KIF1A: variants seen among roughly 807,000 people sequenced by gnomAD.
The protein encoded by KIF1A is kinesin-like protein KIF1A.
KIF1A carries 46 observed loss-of-function variants against 227.3 expected under a neutral mutation model. The observed-to-expected ratio is 0.20, with a 90% CI of 0.16 to 0.26. The LOEUF (loss-of-function observed/expected upper bound fraction) is 0.26. KIF1A is among the 10% of genes least tolerant of loss of function. The pLI is 1.00. For synonymous variants in KIF1A, 1,022 were observed against 1,012.8 expected (o/e 1.01, Z -0.17); for missense variants, 1,683 against 2,485.9 (o/e 0.68, Z 6.87).
At position 240,743,017 on chromosome 2, in the gene KIF1A, G is replaced by A. The variant is rs199812789; in HGVS notation, c.3585-33C>T. 114 of 1,568,018 alleles carry A rather than the reference G, an allele frequency of 7.3e-5. 1 individual carries two copies. The highest frequency in any genetic ancestry group is 1.4e-4 in the Admixed American group (8 of 57,308). The stretch of plus-strand genomic sequence containing the variant: ...GAAAGGACCAGTGTGAGGTGTTTGC[G>A]GGACCCTGGGCGGGAGGGGTCAGAA... On this transcript the variant is annotated intron_variant, in intron 33 of 48. Coordinates refer to ENST00000498729, the MANE Select transcript of KIF1A (RefSeq NM_001244008.2).
intron 42 of KIF1A, 129 bp downstream of exon 42, chr2:240,723,284 G>T: frequency 1.2e-6 from 1 of 832,830 alleles, no homozygotes; most frequent in Non-Finnish European, 1.8e-6. Context: ...CCTGCAGGTG[G>T]CTGTGACTCC....
chr2:240,815,785 T>C (rs1450946235), intron 1 of KIF1A, among the ~76,000 whole-genome samples: 1 of 152,126 alleles, frequency 6.6e-6, no homozygotes, highest in Non-Finnish European at 1.5e-5. Context: ...GGTCCTCACT[T>C]TACAAGCCAC....
intron 10 of KIF1A, among the ~76,000 whole-genome samples, chr2:240,781,455 ACACAGC>A (rs2053974272): frequency 1.8e-5 from 1 of 55,170 alleles, no homozygotes; most frequent in Non-Finnish European, 3.6e-5. Context: ...ACACACACAC[ACACAGC>A]TCCACACACA....
intron 27 of KIF1A, among the ~76,000 whole-genome samples, chr2:240,756,516 C>G (rs1436932450): frequency 6.6e-6 from 1 of 152,212 alleles, no homozygotes; most frequent in East Asian, 1.9e-4. Flanking sequence ...GCTTCTCATC[C>G]ATTTGGGCAA....
intron 44 of KIF1A, 78 bp downstream of exon 44, chr2:240,721,729 G>T: frequency 8.7e-7 from 1 of 1,155,382 alleles, no homozygotes; most frequent in Non-Finnish European, 1.3e-6. Flanking sequence ...CACTTGGAAT[G>T]GGAGTTTTCC....
intron 37 of KIF1A, among the ~76,000 whole-genome samples, chr2:240,738,313 T>G (rs757060810): frequency 8.5e-5 from 13 of 152,180 alleles, no homozygotes; most frequent in Non-Finnish European, 1.9e-4. Context: ...TGTCTGCACT[T>G]TGACTCCCTC....
At chr2:240,734,361 C>G (rs2047084198) in intron 38 of KIF1A, among the ~76,000 whole-genome samples, 1 of 152,108 alleles carries the variant, frequency 6.6e-6, no homozygotes, top group Non-Finnish European at 1.5e-5. Context: ...GACACCGAGC[C>G]CATCCACAGG....
chr2:240,721,001 G>A lies in KIF1A; in HGVS notation c.4781C>T (p.Ser1594Leu), dbSNP rs201825284. The change falls in exon 45 of 49, where the codon TCG becomes TTG. Residue 1594 changes from serine (S) to leucine (L), a missense_variant. Ser to Leu is a moderately radical substitution (Grantham distance 145, BLOSUM62 -2). Around this residue, in one of 12 missense-constraint regions of KIF1A, gnomAD observed 384 missense variants for 410.1 expected, o/e 0.94. Transcript: ENST00000498729. ...AGTGGCCACCCCTAGAGGGGACATC[G>A]ACGGGTCCCGGAGCAGGGTGACAGA... is the stretch of plus-strand genomic sequence containing the variant. ...EMSVTLLRDPSMSPLGVATLT... is the reference protein window; with the variant it reads ...EMSVTLLRDPLMSPLGVATLT... 1.8e-4 allele frequency: 284 copies of A among 1,610,976 alleles called. 2 individuals carry two copies. The highest frequency in any genetic ancestry group is 1.2e-3 in the Admixed American group (69 of 59,822).
At chr2:240,783,871 C>CTTGTGG in intron 7 of KIF1A, 55 bp from the exon 8 acceptor site, 1 of 1,358,532 alleles carries the variant, frequency 7.4e-7, no homozygotes, top group Non-Finnish European at 1.0e-6. Flanking sequence ...GCGGGGGCAT[C>CTTGTGG]CCAGGACCCC....
chr2:240,784,938 G>A, intron 7 of KIF1A, 51 bp downstream of exon 7: 1 of 1,470,084 alleles, frequency 6.8e-7, no homozygotes, highest in East Asian at 2.3e-5. Flanking sequence ...CCCCTACCCT[G>A]ACCACCAGCC....
intron 44 of KIF1A, 66 bp from the exon 45 acceptor site, chr2:240,721,104 C>A: frequency 6.3e-7 from 1 of 1,583,942 alleles, no homozygotes; most frequent in Non-Finnish European, 8.6e-7. Context: ...GTGGGAGCTG[C>A]TCCCTGTGCC....
rs1377457043 is a variant in KIF1A, at chr2:240,726,402, G to A, written c.4122+424C>T. 5.3e-5 allele frequency among the ~76,000 whole-genome samples: 8 copies of A among 152,186 alleles called. No individual in the cohort carries two copies. Reference sequence around the variant, plus strand: ...GAGGTGGGTGGATCACCTGAGGCCAGGAGTTTGAGAACAGCCTGGCCAACA... The same window carrying A: ...GAGGTGGGTGGATCACCTGAGGCCAAGAGTTTGAGAACAGCCTGGCCAACA... On this transcript the variant is annotated intron_variant, in intron 39 of 48. Coordinates refer to ENST00000498729, the MANE Select transcript of KIF1A (RefSeq NM_001244008.2). The surrounding 1 kb of genome is among the most constrained non-coding windows in gnomAD (Gnocchi z 5.2).
chr2:240,771,171 C>A, intron 14 of KIF1A, 67 bp from the exon 15 acceptor site: 1 of 1,604,218 alleles, frequency 6.2e-7, no homozygotes, highest in South Asian at 1.1e-5. Context: ...TTCTCAAGGT[C>A]GGACACGTCT....
intron 10 of KIF1A, among the ~76,000 whole-genome samples, chr2:240,777,819 C>T (rs546676485): frequency 1.9e-4 from 29 of 152,342 alleles, no homozygotes; most frequent in African/African-American, 6.7e-4. Context: ...GGCCTGGCTC[C>T]TCAACCAGTT....
intron 20 of KIF1A, 111 bp from the exon 21 acceptor site, chr2:240,763,457 TC>T: frequency 1.0e-6 from 1 of 999,086 alleles, no homozygotes; most frequent in Non-Finnish European, 1.4e-6. Flanking sequence ...CACCCCACCA[TC>T]CCCAGCTCCC....
chr2:240,723,424 G>C lies in KIF1A; in HGVS notation c.4453C>G (p.Leu1485Val). The C allele has an allele frequency of 6.5e-7, 1 of 1,548,926 alleles. No homozygotes were observed. Among genetic ancestry groups the C allele is most frequent in the Non-Finnish European group, 8.7e-7 (1 of 1,145,742 alleles). Residue 1485 changes from leucine to valine, a missense_variant, in exon 42 of 49, where the codon CTC (leucine) becomes GTC (valine). This residue lies in a region of KIF1A where 759 missense variants were observed against 1,020.2 expected (regional missense o/e 0.74). Transcript: ENST00000498729. Reference protein sequence around the residue: ...DHQWELEKLSLLQEVEKTRHY... With the variant: ...DHQWELEKLSVLQEVEKTRHY... Reference sequence around the variant, plus strand: ...TGAGGCTGCCTCACCTCCTGCAGGAGGCTCAGCTTCTCCAGCTCCCACTGG... The same window carrying C: ...TGAGGCTGCCTCACCTCCTGCAGGACGCTCAGCTTCTCCAGCTCCCACTGG...
At chr2:240,735,865 C>T (rs759858416) in intron 38 of KIF1A, among the ~76,000 whole-genome samples, 17 of 152,104 alleles carry the variant, frequency 1.1e-4, no homozygotes, top group Non-Finnish European at 1.8e-4. Context: ...GAACACCCCC[C>T]GGATTCTCCA....
chr2:240,745,941 T>C (rs769901484), intron 30 of KIF1A, 32 bp from the exon 31 acceptor site: 2 of 1,593,206 alleles, frequency 1.3e-6, no homozygotes, highest in Non-Finnish European at 1.7e-6. Flanking sequence ...GTCATGGACC[T>C]CCAGGCCATA....
intron 12 of KIF1A, among the ~76,000 whole-genome samples, 152 bp from the exon 13 acceptor site, chr2:240,773,408 G>T (rs1401263208): frequency 6.6e-6 from 1 of 152,196 alleles, no homozygotes; most frequent in Non-Finnish European, 1.5e-5. Context: ...GGCACAGAGT[G>T]AGAAATCGCC....
Sources: gnomAD v4.1 joint callset for allele counts (sites outside exome capture counted in the v4.1 genomes callset) on GRCh38, gnomAD v4.1.1 for gene constraint, gnomAD v4.1.1 regional missense constraint, Gnocchi (gnomAD v3.1) non-coding constraint, MANE v1.5 for transcripts, NCBI Gene and HGNC (gene_info 2026-07-23, HGNC 2026-07-21) for gene names.